The following GTF2H1 variants were observed in gnomAD, a reference collection of about 807,000 sequenced individuals.
The protein encoded by GTF2H1 is general transcription factor IIH subunit 1.
A neutral mutation model predicts 71.2 loss-of-function variants in GTF2H1; 16 were observed. The observed-to-expected ratio is 0.22, with a 90% CI of 0.15 to 0.34. GTF2H1 has a LOEUF of 0.34. GTF2H1 is among the 10% of genes least tolerant of loss of function. GTF2H1 has a pLI of 1.00. For missense variants in GTF2H1, 498 were observed against 648.2 expected (o/e 0.77, Z 2.52); for synonymous variants, 215 against 219.0 (o/e 0.98, Z 0.16).
rs1272383265 is a variant in GTF2H1, at chr11:18,338,441, T to C, written c.513+167T>C. Among the ~76,000 whole-genome samples, 4 of 17,142 alleles carry C rather than the reference T, an allele frequency of 2.3e-4. No individual in the cohort carries two copies. The East Asian group carries it at 0.14, about 612-fold the overall frequency. The allele number at this position is 17,142 out of a possible 152,430, so 11.2% of individuals were successfully genotyped here. A position where few individuals can be genotyped will look rare whatever the true frequency, so the allele number is the denominator to read the frequency against. On this transcript the variant is annotated intron_variant, in intron 4 of 14. Transcript: ENST00000265963. ...ATTATTGAACTATTATTATTATGTTTGTTTGTTTGTTTGTTTTTAAAAGAC... is the reference window on the plus strand; with the variant it reads ...ATTATTGAACTATTATTATTATGTTCGTTTGTTTGTTTGTTTTTAAAAGAC...
chr11:18,339,498 C>A, intron 4 of GTF2H1, 66 bp from the exon 5 acceptor site: 1 of 1,071,284 alleles, frequency 9.3e-7, no homozygotes. Context: ...TGTCCAGTGT[C>A]CACTGGGACC....
chr11:18,344,116 C>T (rs773399851), intron 7 of GTF2H1, among the ~76,000 whole-genome samples: 1 of 152,152 alleles, frequency 6.6e-6, no homozygotes, highest in Non-Finnish European at 1.5e-5. Flanking sequence ...TGAACCATTG[C>T]AGCCAGCCAT....
intron 6 of GTF2H1, 58 bp from the exon 7 acceptor site, chr11:18,341,470 G>A (rs1190504059): frequency 7.5e-6 from 12 of 1,602,462 alleles, no homozygotes; most frequent in Middle Eastern, 1.7e-4. Context: ...GACATTATAA[G>A]TGTTAATTTC....
chr11:18,333,191 T>G lies in GTF2H1; in HGVS notation c.117T>G (p.Asp39Glu). Residue 39 changes from aspartate to glutamate, a missense_variant, in exon 2 of 15, where the codon GAT becomes GAG. Asp to Glu is a conservative substitution (Grantham distance 45, BLOSUM62 2). Around this residue, in one of 3 missense-constraint regions of GTF2H1, gnomAD observed 216 missense variants for 306.2 expected, o/e 0.71. Transcript: ENST00000265963. Reference sequence around the variant, plus strand: ...TTGCTTGGGCACCTGAAGGCAAAGATAGATTTACAATCAGCCATATGTATG... The same window carrying G: ...TTGCTTGGGCACCTGAAGGCAAAGAGAGATTTACAATCAGCCATATGTATG... ...ERIAWAPEGK[D>E]RFTISHMYAD... 6.2e-7 allele frequency: 1 copy of G among 1,613,716 alleles called. No homozygotes were observed. Among genetic ancestry groups the G allele is most frequent in the Non-Finnish European group, 8.5e-7 (1 of 1,179,724 alleles).
At chr11:18,349,872 A>G (rs759849524) in intron 9 of GTF2H1, among the ~76,000 whole-genome samples, 1 of 152,194 alleles carries the variant, frequency 6.6e-6, no homozygotes, top group Non-Finnish European at 1.5e-5. Flanking sequence ...TGTTCCGAAC[A>G]CTTAGATTAG....
In GTF2H1 at chr11:18,358,646, A is replaced by G; in HGVS notation, c.1467+6A>G. On this transcript the variant is annotated splice_donor_region_variant and intron_variant, in intron 13 of 14. Coordinates refer to ENST00000265963, the MANE Select transcript of GTF2H1 (RefSeq NM_005316.4). ...CGCCATTCCTAGAAGAAAAGGTTAG[A>G]ACCAGTTCTGAAGACAGCCAGATAA... is the stretch of plus-strand genomic sequence containing the variant. The G allele has an allele frequency of 6.5e-7, 1 of 1,542,502 alleles. No homozygotes were observed. Among genetic ancestry groups the G allele is most frequent in the South Asian group, 1.1e-5 (1 of 89,342 alleles).
intron 5 of GTF2H1, among the ~76,000 whole-genome samples, chr11:18,339,959 G>A (rs1168132504): frequency 6.6e-6 from 1 of 152,158 alleles, no homozygotes; most frequent in Non-Finnish European, 1.5e-5. Context: ...CATCCTAAAA[G>A]TATAGATTCC....
intron 1 of GTF2H1, among the ~76,000 whole-genome samples, chr11:18,324,009 A>G (rs1445954381): frequency 6.6e-6 from 1 of 152,050 alleles, no homozygotes; most frequent in African/African-American, 2.4e-5. Flanking sequence ...CCTCATTCAG[A>G]AAGGAGAAAA....
chr11:18,365,743 G>C (rs775029026), intron 14 of GTF2H1, 40 bp from the exon 15 acceptor site: 9 of 1,394,534 alleles, frequency 6.5e-6, no homozygotes, highest in East Asian at 4.6e-5. Context: ...AACTTCCCCT[G>C]CTTTTGCCCA....
At chr11:18,360,780 C>A in intron 14 of GTF2H1, 73 bp downstream of exon 14, 17 of 760,554 alleles carry the variant, frequency 2.2e-5, no homozygotes, top group Non-Finnish European at 3.1e-5. Flanking sequence ...ATTTTGCTTT[C>A]ATGTAAATGA....
At chr11:18,336,957 G>T (rs1407866148) in intron 3 of GTF2H1, among the ~76,000 whole-genome samples, 3 of 151,938 alleles carry the variant, frequency 2.0e-5, no homozygotes, top group African/African-American at 7.3e-5. Flanking sequence ...CACCACGTTG[G>T]CCAGGCTGGT....
intron 2 of GTF2H1, among the ~76,000 whole-genome samples, chr11:18,334,782 C>G (rs1864985871): frequency 6.6e-6 from 1 of 151,900 alleles, no homozygotes; most frequent in South Asian, 2.1e-4. Context: ...CGTAATATGC[C>G]CCACCTAGAT....
At chr11:18,353,862 A>G (rs1478250388) in intron 11 of GTF2H1, among the ~76,000 whole-genome samples, 1 of 152,236 alleles carries the variant, frequency 6.6e-6, no homozygotes. Context: ...AAACTAAGAC[A>G]TTCTCTTAAA....
intron 2 of GTF2H1, among the ~76,000 whole-genome samples, chr11:18,334,581 A>G (rs779582764): frequency 5.9e-5 from 9 of 152,218 alleles, no homozygotes; most frequent in Admixed American, 1.3e-4. Flanking sequence ...CCCATCTCCA[A>G]TTTCTCTACA....
chr11:18,324,654 T>G (rs1432651162), intron 1 of GTF2H1, among the ~76,000 whole-genome samples: 1 of 152,248 alleles, frequency 6.6e-6, no homozygotes, highest in African/African-American at 2.4e-5. Context: ...TGCATACTGC[T>G]GATAGAGATG....
intron 5 of GTF2H1, 33 bp downstream of exon 5, chr11:18,339,690 A>T: frequency 8.5e-7 from 1 of 1,171,062 alleles, no homozygotes; most frequent in Non-Finnish European, 1.3e-6. Context: ...GATGGTTAAA[A>T]TATATGGATA....
chr11:18,340,756 A>AT (rs1249295013), intron 5 of GTF2H1, among the ~76,000 whole-genome samples: 1 of 152,222 alleles, frequency 6.6e-6, no homozygotes, highest in East Asian at 1.9e-4. Flanking sequence ...GTGCAGAAAG[A>AT]TTAAGTAATT....
intron 7 of GTF2H1, among the ~76,000 whole-genome samples, chr11:18,343,348 G>A (rs932260892): frequency 6.6e-6 from 1 of 152,128 alleles, no homozygotes; most frequent in Non-Finnish European, 1.5e-5. Flanking sequence ...CATTATTGTT[G>A]TTATCTGTAT....
chr11:18,327,895 T>G (rs1864802249), intron 1 of GTF2H1, among the ~76,000 whole-genome samples: 1 of 152,208 alleles, frequency 6.6e-6, no homozygotes, highest in Admixed American at 6.5e-5. Flanking sequence ...AGCCTAAATT[T>G]TAGATTTTTT....
Sources: allele counts gnomAD v4.1 joint callset (sites outside exome capture counted in the v4.1 genomes callset), GRCh38; gene constraint gnomAD v4.1.1; regional missense constraint gnomAD v4.1.1; transcripts MANE v1.5; gene names NCBI Gene and HGNC (gene_info 2026-07-23, HGNC 2026-07-21).